PLCL1: variants seen among roughly 807,000 people sequenced by gnomAD.
The protein encoded by PLCL1 is phospholipase C like 1 (inactive).
A neutral mutation model predicts 84.4 loss-of-function variants in PLCL1; 41 were observed. The ratio of observed to expected loss-of-function variants is 0.49; its 90% CI spans 0.38 to 0.63. The LOEUF (loss-of-function observed/expected upper bound fraction) is 0.63. Ranked by LOEUF, PLCL1 falls within the 30% of genes least tolerant of loss-of-function variation. The pLI, the probability that PLCL1 is intolerant of heterozygous loss-of-function variation, is 0.00. For synonymous variants in PLCL1, 490 were observed against 488.3 expected (o/e 1.00, Z -0.05); for missense variants, 1,206 against 1,367.8 (o/e 0.88, Z 1.87).
intron 5 of PLCL1, among the ~76,000 whole-genome samples, chr2:198,142,738 C>G (rs1212897988): frequency 1.3e-5 from 2 of 151,990 alleles, no homozygotes; most frequent in African/African-American, 4.8e-5. Context: ...CCATCAGCAT[C>G]AGTCTACCTG....
chr2:197,964,127 C>T (rs1325147079), intron 1 of PLCL1, among the ~76,000 whole-genome samples: 1 of 152,002 alleles, frequency 6.6e-6, no homozygotes, highest in African/African-American at 2.4e-5. Flanking sequence ...TGTTTTCTCT[C>T]TGTGAAGAAT....
intron 1 of PLCL1, among the ~76,000 whole-genome samples, chr2:197,923,642 C>T (rs1175440557): frequency 1.4e-4 from 21 of 149,544 alleles, no homozygotes; most frequent in Non-Finnish European, 7.4e-5. Flanking sequence ...GATGGGATGG[C>T]GGCCGGGCGC....
chr2:197,940,885 A>C (rs952700962), intron 1 of PLCL1, among the ~76,000 whole-genome samples: 2 of 152,232 alleles, frequency 1.3e-5, no homozygotes, highest in African/African-American at 2.4e-5. Context: ...TTAAAGAAGC[A>C]ATATTTAAGA....
Position 197,824,700 on chromosome 2 carries a change from C to T in PLCL1, c.240+19361C>T, listed in dbSNP as rs370463406. ...CTGCACTCCAGCCCGGGCAACAGAG[C>T]GAGACCCTGTCTCAAAAAAAAAAAA... is the stretch of plus-strand genomic sequence containing the variant. On this transcript the variant is annotated intron_variant, in intron 1 of 5. Coordinates refer to ENST00000428675, the MANE Select transcript of PLCL1 (RefSeq NM_006226.4). 9.5e-5 allele frequency among the ~76,000 whole-genome samples: 13 copies of T among 137,270 alleles called. No individual in the cohort carries two copies. The East Asian group carries it at 1.0e-3, about 11-fold the overall frequency. 90.1% of individuals were successfully genotyped at this position (137,270 alleles called of 152,430 possible). A position where few individuals can be genotyped will look rare whatever the true frequency, so the allele number is the denominator to read the frequency against.
rs143524416 is a variant in PLCL1, at chr2:197,935,767, TAAAAG to T, written c.240+130430_240+130434del. ...ATGTGTACCCCTTGAACGTAAAAGT[TAAAAG>T]AGAATCTCTCTTAGTGAATTTCAGC... On this transcript the variant is annotated intron_variant, in intron 1 of 5. Coordinates refer to ENST00000428675, the MANE Select transcript of PLCL1 (RefSeq NM_006226.4). Among the ~76,000 whole-genome samples the T allele has an allele frequency of 3.7e-3, 558 of 152,264 alleles. 5 individuals are homozygous for T. The highest frequency in any genetic ancestry group is 0.013 in the African/African-American group (532 of 41,544).
chr2:197,970,762 T>C (rs184127809), intron 1 of PLCL1, among the ~76,000 whole-genome samples: 132 of 152,272 alleles, frequency 8.7e-4, no homozygotes, highest in Admixed American at 3.5e-3. Context: ...CCCCACAACA[T>C]CCAACAGTGT....
At chr2:198,025,570 TC>T (rs1208479390) in intron 1 of PLCL1, among the ~76,000 whole-genome samples, 1 of 152,170 alleles carries the variant, frequency 6.6e-6, no homozygotes, top group African/African-American at 2.4e-5. Context: ...TGAATGTCTG[TC>T]CATTGGTGGT....
At position 197,804,789 on chromosome 2, in the gene PLCL1, A is replaced by AT. The variant is rs979760869; in HGVS notation, c.-308dup. 1 of 264,038 alleles carries AT rather than the reference A, an allele frequency of 3.8e-6. No individual in the cohort carries two copies. Among genetic ancestry groups the AT allele is most frequent in the African/African-American group, 2.2e-5 (1 of 44,794 alleles). The allele number at this position is 264,038 out of a possible 1,614,324, so 16.4% of individuals were successfully genotyped here. On this transcript the variant is annotated 5_prime_UTR_variant, in exon 1 of 6. Transcript: ENST00000428675. ...GGCGCAGGGCCGGCGTTTGCATCACATTTCGGATACCTCCCTCTCTTTTTC... is the reference window on the plus strand; with the variant it reads ...GGCGCAGGGCCGGCGTTTGCATCACATTTTCGGATACCTCCCTCTCTTTTTC...
chr2:197,895,712 G>A (rs1269235382), intron 1 of PLCL1, among the ~76,000 whole-genome samples: 1 of 151,904 alleles, frequency 6.6e-6, no homozygotes, highest in African/African-American at 2.4e-5. Flanking sequence ...AGGGCCATTT[G>A]TGTTTATTAG....
chr2:198,022,119 G>T (rs1391138868), intron 1 of PLCL1, among the ~76,000 whole-genome samples: 1 of 152,046 alleles, frequency 6.6e-6, no homozygotes, highest in Non-Finnish European at 1.5e-5. Context: ...CATAAACAGA[G>T]CCAATGACAA....
At chr2:197,815,211 A>G (rs1007019710) in intron 1 of PLCL1, among the ~76,000 whole-genome samples, 4 of 152,224 alleles carry the variant, frequency 2.6e-5, no homozygotes, top group Non-Finnish European at 5.9e-5. Context: ...GGTAACTTTA[A>G]GTGGAAGCCA....
At chr2:197,812,586 A>G (rs775291734) in intron 1 of PLCL1, among the ~76,000 whole-genome samples, 48 of 152,222 alleles carry the variant, frequency 3.2e-4, no homozygotes, top group Non-Finnish European at 6.6e-4. Context: ...GGCTGCATGC[A>G]TGTCTTTCAA....
chr2:198,106,207 C>A (rs1352222600), intron 5 of PLCL1, among the ~76,000 whole-genome samples: 1 of 151,946 alleles, frequency 6.6e-6, no homozygotes, highest in Non-Finnish European at 1.5e-5. Context: ...TAAGCTCAGG[C>A]AGTCTGGCTC....
intron 1 of PLCL1, among the ~76,000 whole-genome samples, chr2:197,915,065 A>G (rs1037504589): frequency 6.6e-6 from 1 of 152,212 alleles, no homozygotes; most frequent in Non-Finnish European, 1.5e-5. Context: ...CCAAAATACC[A>G]TTTAGAGTTC....
chr2:198,015,010 G>C (rs1016927545), intron 1 of PLCL1, among the ~76,000 whole-genome samples: 3 of 152,024 alleles, frequency 2.0e-5, no homozygotes, highest in African/African-American at 7.2e-5. Context: ...GAGTCAATTT[G>C]TTTTAATGTT....
chr2:197,902,051 A>G (rs955499272), intron 1 of PLCL1, among the ~76,000 whole-genome samples: 1 of 152,172 alleles, frequency 6.6e-6, no homozygotes, highest in Admixed American at 6.5e-5. Context: ...TTTTAGAGGG[A>G]AAAAAGGAGA....
intron 1 of PLCL1, among the ~76,000 whole-genome samples, chr2:197,981,814 A>G (rs991978026): frequency 2.6e-5 from 4 of 152,216 alleles, no homozygotes; most frequent in East Asian, 1.9e-4. Flanking sequence ...AAAGAAGCTT[A>G]GAAGGATCTT....
At chr2:197,964,297 T>C (rs1348073370) in intron 1 of PLCL1, among the ~76,000 whole-genome samples, 1 of 152,138 alleles carries the variant, frequency 6.6e-6, no homozygotes, top group African/African-American at 2.4e-5. Flanking sequence ...ATAGTTTTCA[T>C]TGTAGAGATC....
At chr2:198,040,127 C>A (rs1369267566) in intron 1 of PLCL1, among the ~76,000 whole-genome samples, 1 of 151,392 alleles carries the variant, frequency 6.6e-6, no homozygotes, top group African/African-American at 2.5e-5. Context: ...AGTTATACTT[C>A]TTTTTCTGAA....
Sources: allele counts gnomAD v4.1 joint callset (sites outside exome capture counted in the v4.1 genomes callset), GRCh38; gene constraint gnomAD v4.1.1; transcripts MANE v1.5; gene names NCBI Gene and HGNC (gene_info 2026-07-23, HGNC 2026-07-21).